Variants in ASTN1 observed in about 807,000 individuals in gnomAD.
ASTN1 encodes astrotactin 1.
Under a neutral mutation model 140.7 loss-of-function variants are expected in ASTN1, and 41 were observed. The ratio of observed to expected loss-of-function variants is 0.29; its 90% CI spans 0.23 to 0.38. ASTN1 has a LOEUF of 0.38. Among genes scored for constraint, ASTN1 ranks in the 10% least tolerant of loss-of-function variants. The pLI is 1.00. For synonymous variants in ASTN1, 640 were observed against 652.2 expected, an observed-to-expected ratio of 0.98 and a Z score of 0.29; for missense variants, 1,479 against 1,678.8, an observed-to-expected ratio of 0.88 and a Z score of 2.08.
At chr1:177,017,234 C>G (rs982742840) in intron 7 of ASTN1, among the ~76,000 whole-genome samples, 4 of 152,172 alleles carry the variant, frequency 2.6e-5, no homozygotes, top group African/African-American at 4.8e-5. Flanking sequence ...TGCCGACAAC[C>G]AATAAAGCTT....
intron 2 of ASTN1, among the ~76,000 whole-genome samples, chr1:177,052,014 G>C (rs1677565058): frequency 6.6e-6 from 1 of 152,120 alleles, no homozygotes; most frequent in Admixed American, 6.5e-5. Context: ...TCAATTATGA[G>C]ATCAGACCTC....
chr1:177,012,024 C>A (rs137905825), intron 8 of ASTN1, among the ~76,000 whole-genome samples: 1 of 152,088 alleles, frequency 6.6e-6, no homozygotes, highest in African/African-American at 2.4e-5. Flanking sequence ...TTTTAATGTA[C>A]GCAATACAAG....
chr1:177,043,562 C>A, intron 2 of ASTN1, among the ~76,000 whole-genome samples: 1 of 152,172 alleles, frequency 6.6e-6, no homozygotes, highest in East Asian at 1.9e-4. Context: ...CTGATTTGAC[C>A]CACTACAGAA....
chr1:176,962,705 T>A (rs560808918), intron 9 of ASTN1, among the ~76,000 whole-genome samples: 1 of 152,224 alleles, frequency 6.6e-6, no homozygotes, highest in Non-Finnish European at 1.5e-5. Flanking sequence ...AGAATCACCA[T>A]GATGCTTTTA....
chr1:177,098,219 C>A (rs967845713), intron 1 of ASTN1, among the ~76,000 whole-genome samples: 14 of 151,912 alleles, frequency 9.2e-5, no homozygotes, highest in African/African-American at 3.4e-4. Context: ...CTCATGCTAA[C>A]TCCAGGTAGT....
chr1:176,965,280 T>C, intron 8 of ASTN1, 43 bp from the exon 9 acceptor site: 1 of 1,597,220 alleles, frequency 6.3e-7, no homozygotes, highest in Non-Finnish European at 8.6e-7. Flanking sequence ...ACTCAACAAA[T>C]ACTCACTGAA....
chr1:177,023,232 C>T, intron 7 of ASTN1, 172 bp downstream of exon 7: 1 of 801,988 alleles, frequency 1.2e-6, no homozygotes, highest in Non-Finnish European at 1.9e-6. Context: ...AAAATGACCA[C>T]AGTTTTAGCC....
At chr1:177,001,536 G>T (rs1277607309) in intron 8 of ASTN1, among the ~76,000 whole-genome samples, 2 of 152,180 alleles carry the variant, frequency 1.3e-5, no homozygotes, top group African/African-American at 4.8e-5. Context: ...GCTCATAAAG[G>T]TTATGAGGCT....
chr1:177,053,180 G>C (rs1677625491), intron 2 of ASTN1, among the ~76,000 whole-genome samples: 1 of 152,126 alleles, frequency 6.6e-6, no homozygotes. Context: ...GCTTTCAAAA[G>C]GATCTTCAGG....
At chr1:176,946,162 A>C (rs762927655) in intron 12 of ASTN1, 42 bp from the exon 13 acceptor site, 1 of 1,478,636 alleles carries the variant, frequency 6.8e-7, no homozygotes, top group African/African-American at 1.4e-5. Flanking sequence ...TATTCCATCA[A>C]TGACCCATGC....
intron 4 of ASTN1, among the ~76,000 whole-genome samples, chr1:177,030,325 A>G (rs1676361789): frequency 6.6e-6 from 1 of 152,204 alleles, no homozygotes; most frequent in Non-Finnish European, 1.5e-5. Context: ...CTCTTTAAAA[A>G]TGACATTATG....
At chr1:177,122,379 T>A (rs565903930) in intron 1 of ASTN1, among the ~76,000 whole-genome samples, 5 of 152,004 alleles carry the variant, frequency 3.3e-5, no homozygotes, top group African/African-American at 4.8e-5. Context: ...ACCTGATGAG[T>A]TGTAATATCT....
At chr1:176,929,519 T>C (rs958734657) in intron 16 of ASTN1, among the ~76,000 whole-genome samples, 6 of 152,314 alleles carry the variant, frequency 3.9e-5, no homozygotes, top group Admixed American at 1.3e-4. Flanking sequence ...CCAGAGAAAC[T>C]GAGTTTGGAC....
Position 176,911,837 on chromosome 1 carries a change from G to A in ASTN1, c.2672-17007C>T, listed in dbSNP as rs144350017. ...ACTGCCATTTATTATCAGGTATTAC[G>A]TACTGTACATAATTGTGTGTGTTAG... On this transcript the variant is annotated intron_variant, in intron 16 of 22. Transcript: ENST00000361833. Among the ~76,000 whole-genome samples the A allele has an allele frequency of 1.1e-3, 163 of 152,296 alleles. 1 individual carries two copies. The South Asian group carries it at 0.016, about 15-fold the overall frequency.
intron 2 of ASTN1, among the ~76,000 whole-genome samples, chr1:177,036,614 T>C (rs1218829920): frequency 2.6e-5 from 4 of 152,124 alleles, no homozygotes; most frequent in Non-Finnish European, 5.9e-5. Flanking sequence ...ATTTGTAAAA[T>C]CACTACACAT....
intron 8 of ASTN1, among the ~76,000 whole-genome samples, chr1:176,996,310 C>CAGAGAGAGAG (rs139189448): frequency 7.9e-6 from 1 of 126,492 alleles, no homozygotes; most frequent in African/African-American, 2.7e-5. Flanking sequence ...CACACACACA[C>CAGAGAGAGAG]AGAGAGAGAG....
At chr1:176,887,826 C>T (rs1431126194) in intron 18 of ASTN1, among the ~76,000 whole-genome samples, 1 of 152,146 alleles carries the variant, frequency 6.6e-6, no homozygotes, top group Non-Finnish European at 1.5e-5. Context: ...GTCACCATGG[C>T]GTCAGTTCAG....
At chr1:176,976,264 C>G (rs923664795) in intron 8 of ASTN1, 4 of 152,186 alleles carry the variant, frequency 2.6e-5, no homozygotes, top group Admixed American at 2.6e-4. Context: ...CACATACACA[C>G]ATGTGGTCGT....
chr1:176,905,657 C>T (rs1250035796), intron 16 of ASTN1, among the ~76,000 whole-genome samples: 1 of 152,120 alleles, frequency 6.6e-6, no homozygotes, highest in African/African-American at 2.4e-5. Flanking sequence ...ATAGACATGG[C>T]TCTTGGTGGC....
Sources: gnomAD v4.1 joint callset for allele counts (sites outside exome capture counted in the v4.1 genomes callset) on GRCh38, gnomAD v4.1.1 for gene constraint, MANE v1.5 for transcripts, NCBI Gene and HGNC (gene_info 2026-07-23, HGNC 2026-07-21) for gene names.